Variants in MYLK observed in about 807,000 individuals in gnomAD.
MYLK encodes the protein myosin light chain kinase, smooth muscle.
A neutral mutation model predicts 203.4 loss-of-function variants in MYLK; 106 were observed. The observed-to-expected ratio is 0.52, with a 90% CI of 0.45 to 0.61. The LOEUF (loss-of-function observed/expected upper bound fraction) is 0.61. Ranked by LOEUF, MYLK falls within the 20% of genes least tolerant of loss-of-function variation. MYLK has a pLI of 0.00. For synonymous variants in MYLK, 867 were observed against 959.5 expected, an observed-to-expected ratio of 0.90 and a Z score of 1.78; for missense variants, 2,072 against 2,442.3, an observed-to-expected ratio of 0.85 and a Z score of 3.20.
intron 4 of MYLK, among the ~76,000 whole-genome samples, chr3:123,776,743 G>A (rs1262477721): frequency 6.6e-6 from 1 of 152,180 alleles, no homozygotes; most frequent in Non-Finnish European, 1.5e-5. Flanking sequence ...CTTAAGTAAT[G>A]CCATATTATA....
chr3:123,851,275 T>C (rs1298454069), intron 2 of MYLK, among the ~76,000 whole-genome samples: 2 of 152,232 alleles, frequency 1.3e-5, no homozygotes, highest in Non-Finnish European at 1.5e-5. Flanking sequence ...TTTCCAATTC[T>C]GTGAAGAAAG....
intron 20 of MYLK, 55 bp downstream of exon 20, chr3:123,682,169 C>T (rs548104285): frequency 1.7e-5 from 25 of 1,432,486 alleles, no homozygotes; most frequent in East Asian, 7.1e-5. Flanking sequence ...CCTCAGTCCC[C>T]GGGGTGCCTG....
At chr3:123,740,433 G>A (rs2062822672) in intron 5 of MYLK, among the ~76,000 whole-genome samples, 5 of 152,342 alleles carry the variant, frequency 3.3e-5, no homozygotes, top group Admixed American at 1.3e-4. Flanking sequence ...CTCAGTTAAA[G>A]GGAGGGAGGG....
chr3:123,657,105 G>A (rs749612672), intron 24 of MYLK, 21 bp downstream of exon 24: 46 of 1,613,822 alleles, frequency 2.9e-5, no homozygotes, highest in Non-Finnish European at 2.9e-5. Context: ...TCAAGCCACT[G>A]ATGAAGTGAT....
chr3:123,672,641 C>T (rs2059951851), intron 20 of MYLK, among the ~76,000 whole-genome samples: 2 of 152,264 alleles, frequency 1.3e-5, no homozygotes, highest in South Asian at 2.1e-4. Context: ...GAAGAGAAGC[C>T]CTAACTAATC....
At chr3:123,641,431 T>C (rs2058827853) in intron 27 of MYLK, among the ~76,000 whole-genome samples, 1 of 151,876 alleles carries the variant, frequency 6.6e-6, no homozygotes, top group Non-Finnish European at 1.5e-5. Context: ...TTTCTTTTTT[T>C]CTTCTTCAAT....
chr3:123,739,921 C>A, intron 6 of MYLK, 32 bp downstream of exon 6: 1 of 1,613,020 alleles, frequency 6.2e-7, no homozygotes, highest in Non-Finnish European at 8.5e-7. Flanking sequence ...AGCAATCCAA[C>A]CCTTACTCTG....
chr3:123,721,679 C>T (rs1280975832), intron 13 of MYLK, among the ~76,000 whole-genome samples: 6 of 151,722 alleles, frequency 4.0e-5, no homozygotes, highest in African/African-American at 1.5e-4. Context: ...ACTGGGAGGC[C>T]ACTGACTGTT....
chr3:123,790,912 C>T (rs1216445734), intron 4 of MYLK, among the ~76,000 whole-genome samples: 5 of 152,124 alleles, frequency 3.3e-5, no homozygotes, highest in Admixed American at 3.3e-4. Context: ...GGGCAGAGGC[C>T]AGGAAGAAGA....
intron 4 of MYLK, among the ~76,000 whole-genome samples, chr3:123,768,958 C>T (rs1416463242): frequency 6.6e-6 from 1 of 152,230 alleles, no homozygotes; most frequent in African/African-American, 2.4e-5. Flanking sequence ...CCTCCCGTTA[C>T]TCTGGCTGCC....
At chr3:123,664,368 TG>T in intron 22 of MYLK, 110 bp from the exon 23 acceptor site, 3 of 1,438,942 alleles carry the variant, frequency 2.1e-6, no homozygotes, top group Admixed American at 1.7e-5. Flanking sequence ...GGACAAGCTG[TG>T]GGGGGGCTCA....
chr3:123,671,607 A>T (rs113634810), intron 20 of MYLK, among the ~76,000 whole-genome samples: 15 of 152,254 alleles, frequency 9.9e-5, no homozygotes, highest in African/African-American at 2.6e-4. Context: ...CCCAGAGGAG[A>T]TTCTTGAGCA....
At chr3:123,620,708 C>T (rs565233007) in intron 31 of MYLK, 401 of 980,994 alleles carry the variant, frequency 4.1e-4, no homozygotes, top group Middle Eastern at 5.1e-4. Flanking sequence ...CTGGGCCTAG[C>T]GGGGCTATTT....
intron 4 of MYLK, among the ~76,000 whole-genome samples, chr3:123,767,068 C>T (rs1295173687): frequency 6.6e-6 from 1 of 152,204 alleles, no homozygotes; most frequent in East Asian, 1.9e-4. Flanking sequence ...GAAAAGCTGC[C>T]CAGTTACGTA....
intron 5 of MYLK, among the ~76,000 whole-genome samples, chr3:123,741,668 C>T (rs1348908395): frequency 1.3e-5 from 2 of 152,116 alleles, no homozygotes; most frequent in Non-Finnish European, 2.9e-5. Flanking sequence ...GGAAACGACG[C>T]TAAAGTTAGA....
At chr3:123,682,443 C>A in intron 19 of MYLK, 133 bp from the exon 20 acceptor site, 1 of 743,226 alleles carries the variant, frequency 1.3e-6, no homozygotes, top group Non-Finnish European at 2.3e-6. Context: ...CTGGGCAGAA[C>A]AGCGCCTGTG....
Position 123,629,316 on chromosome 3 carries a change from G to T in MYLK, c.5114+158C>A, listed in dbSNP as rs1269693776. ...GCCTCCCCAACCCACATGCATTCGG[G>T]TCTCTTACCATGCCCACCCTCCCTT... On this transcript the variant is annotated intron_variant, in intron 30 of 33. Transcript: ENST00000360304. The surrounding 1 kb of genome is among the most constrained non-coding windows in gnomAD (Gnocchi z 4.4). 1.3e-5 allele frequency among the ~76,000 whole-genome samples: 2 copies of T among 151,950 alleles called. No homozygotes were observed. The highest frequency in any genetic ancestry group is 2.9e-5 in the Non-Finnish European group (2 of 67,980).
intron 3 of MYLK, among the ~76,000 whole-genome samples, chr3:123,830,645 C>G (rs569563278): frequency 3.3e-5 from 5 of 152,234 alleles, no homozygotes; most frequent in African/African-American, 1.2e-4. Flanking sequence ...CTTTGTTTCA[C>G]TGGTATTGGT....
chr3:123,706,772 G>A (rs2061476634), intron 16 of MYLK, among the ~76,000 whole-genome samples: 1 of 152,028 alleles, frequency 6.6e-6, no homozygotes, highest in Non-Finnish European at 1.5e-5. Context: ...GTGCCTCATG[G>A]AAATGTAGCA....
Sources: gnomAD v4.1 joint callset for allele counts (sites outside exome capture counted in the v4.1 genomes callset) on GRCh38, gnomAD v4.1.1 for gene constraint, Gnocchi (gnomAD v3.1) non-coding constraint, MANE v1.5 for transcripts, NCBI Gene and HGNC (gene_info 2026-07-23, HGNC 2026-07-21) for gene names.